Variants in HVCN1 observed in about 807,000 individuals in gnomAD.
HVCN1 encodes voltage-gated hydrogen channel 1.
In HVCN1, 14 loss-of-function variants were observed where a neutral mutation model predicts 29.2. The observed-to-expected ratio is 0.48, with a 90% CI of 0.32 to 0.75. HVCN1 has a LOEUF of 0.75. HVCN1 is among the 30% of genes least tolerant of loss of function. The probability of loss-of-function intolerance (pLI) is 0.04; values close to 1 mark genes in which losing one functional copy is unlikely to be tolerated. For synonymous variants in HVCN1, 131 were observed against 133.2 expected, an observed-to-expected ratio of 0.98 and a Z score of 0.11; for missense variants, 263 against 341.8, an observed-to-expected ratio of 0.77 and a Z score of 1.82.
chr12:110,701,010 C>T (rs1340294700), intron 2 of HVCN1, among the ~76,000 whole-genome samples: 1 of 152,174 alleles, frequency 6.6e-6, no homozygotes, highest in Non-Finnish European at 1.5e-5. Context: ...CCCCATGGGG[C>T]ATCACATGGG....
At chr12:110,687,742 C>A (rs1021689979) in intron 2 of HVCN1, among the ~76,000 whole-genome samples, 1 of 152,012 alleles carries the variant, frequency 6.6e-6, no homozygotes, top group South Asian at 2.1e-4. Context: ...GGACGAGGAG[C>A]GGGGTGGTGG....
At chr12:110,687,564 C>T (rs533422823) in intron 2 of HVCN1, among the ~76,000 whole-genome samples, 4 of 152,070 alleles carry the variant, frequency 2.6e-5, no homozygotes, top group South Asian at 2.1e-4. Flanking sequence ...ATGGAGAGGG[C>T]TTGGCAGGCG....
intron 7 of HVCN1, among the ~76,000 whole-genome samples, chr12:110,649,788 C>T (rs1374533173): frequency 6.6e-6 from 1 of 152,032 alleles, no homozygotes; most frequent in Non-Finnish European, 1.5e-5. Flanking sequence ...GAAGGGCGCT[C>T]TAGGTGCATG....
intron 3 of HVCN1, among the ~76,000 whole-genome samples, chr12:110,663,632 A>G: frequency 6.6e-6 from 1 of 151,506 alleles, no homozygotes; most frequent in East Asian, 1.9e-4. Context: ...AAGAAAAAAA[A>G]TTTATCTACA....
At chr12:110,698,452 G>C (rs1189190568) in intron 2 of HVCN1, among the ~76,000 whole-genome samples, 1 of 152,196 alleles carries the variant, frequency 6.6e-6, no homozygotes. Flanking sequence ...CTAGTGGAAA[G>C]TGCTCTCCAC....
At chr12:110,691,251 G>C (rs1313941259), upstream of HVCN1, among the ~76,000 whole-genome samples, 2 of 151,234 alleles carry the variant, frequency 1.3e-5, no homozygotes, top group African/African-American at 2.4e-5. Context: ...TTTTAGTAGA[G>C]ACGGGGTTTC....
At chr12:110,660,079 C>G (rs1360202133) in intron 4 of HVCN1, among the ~76,000 whole-genome samples, 1 of 151,482 alleles carries the variant, frequency 6.6e-6, no homozygotes, top group African/African-American at 2.4e-5. Flanking sequence ...ATCAATCAAT[C>G]AATGGCAGGA....
chr12:110,678,995 A>G (rs546010336), intron 3 of HVCN1, among the ~76,000 whole-genome samples: 3 of 152,334 alleles, frequency 2.0e-5, no homozygotes, highest in African/African-American at 7.2e-5. Flanking sequence ...AGAAATGAAG[A>G]GCTGCCACCT....
At chr12:110,681,444 A>G (rs1481081860) in intron 3 of HVCN1, among the ~76,000 whole-genome samples, 1 of 152,180 alleles carries the variant, frequency 6.6e-6, no homozygotes, top group East Asian at 1.9e-4. Flanking sequence ...TGTATGAGTG[A>G]GCTGGTTTCA....
At chr12:110,692,070 C>A (rs137959764), upstream of HVCN1, among the ~76,000 whole-genome samples, 59 of 152,304 alleles carry the variant, frequency 3.9e-4, no homozygotes, top group African/African-American at 1.3e-3. Context: ...ACACTGTTAT[C>A]CCCAGGCACA....
chr12:110,662,105 A>G (rs999913460), intron 3 of HVCN1, among the ~76,000 whole-genome samples: 11 of 152,184 alleles, frequency 7.2e-5, no homozygotes, highest in Admixed American at 2.6e-4. Context: ...TGACTACTGG[A>G]ACAGGAAGAG....
At chr12:110,701,591 T>G (rs2069564428) in intron 2 of HVCN1, among the ~76,000 whole-genome samples, 1 of 152,158 alleles carries the variant, frequency 6.6e-6, no homozygotes, top group Admixed American at 6.5e-5. Context: ...GCGAGGTGGC[T>G]CACGCCTGTA....
At chr12:110,701,053 G>A (rs1334516070) in intron 2 of HVCN1, among the ~76,000 whole-genome samples, 1 of 152,238 alleles carries the variant, frequency 6.6e-6, no homozygotes, top group Non-Finnish European at 1.5e-5. Context: ...CCAACACAGA[G>A]CAGAGAGCAG....
At chr12:110,681,010 C>T (rs1432454729) in intron 3 of HVCN1, among the ~76,000 whole-genome samples, 1 of 152,204 alleles carries the variant, frequency 6.6e-6, no homozygotes, top group Non-Finnish European at 1.5e-5. Flanking sequence ...CGCACCTGTT[C>T]AGAGGCCAGG....
At chr12:110,681,716 C>T (rs1156399025) in intron 3 of HVCN1, among the ~76,000 whole-genome samples, 2 of 152,148 alleles carry the variant, frequency 1.3e-5, no homozygotes, top group African/African-American at 4.8e-5. Context: ...GCTTCTCAGA[C>T]TCTGCCCCAC....
At chr12:110,673,537 T>C (rs1433492970) in intron 3 of HVCN1, among the ~76,000 whole-genome samples, 1 of 152,072 alleles carries the variant, frequency 6.6e-6, no homozygotes, top group African/African-American at 2.4e-5. Flanking sequence ...CTTGGGAAAA[T>C]GTCTCCAGGC....
chr12:110,678,813 C>T (rs983868778), intron 3 of HVCN1, among the ~76,000 whole-genome samples: 25 of 152,210 alleles, frequency 1.6e-4, no homozygotes, highest in African/African-American at 6.0e-4. Flanking sequence ...CTCACCAATG[C>T]GTTGAGTTTA....
intron 2 of HVCN1, among the ~76,000 whole-genome samples, chr12:110,699,313 G>T (rs1593556687): frequency 6.6e-6 from 1 of 152,196 alleles, no homozygotes; most frequent in Non-Finnish European, 1.5e-5. Flanking sequence ...CTGCCAAGGG[G>T]TGGGCCTGGA....
chr12:110,664,257 C>T (rs2068271562), intron 3 of HVCN1, among the ~76,000 whole-genome samples: 1 of 152,030 alleles, frequency 6.6e-6, no homozygotes, highest in African/African-American at 2.4e-5. Context: ...TACCCAGCAC[C>T]TAGAAAAATG....
Sources: gnomAD v4.1 joint callset for allele counts (sites outside exome capture counted in the v4.1 genomes callset) on GRCh38, gnomAD v4.1.1 for gene constraint, MANE v1.5 for transcripts, NCBI Gene and HGNC (gene_info 2026-07-23, HGNC 2026-07-21) for gene names.